Variants in KAT6B observed in about 807,000 individuals in gnomAD.
The protein encoded by KAT6B is lysine acetyltransferase 6B, also known as histone acetyltransferase KAT6B.
A neutral mutation model predicts 187.5 loss-of-function variants in KAT6B; 10 were observed. The ratio of observed to expected loss-of-function variants is 0.05; its 90% CI spans 0.03 to 0.09. The LOEUF (loss-of-function observed/expected upper bound fraction) is 0.09, where lower values mean the gene tolerates loss of function less well. Ranked by LOEUF, KAT6B falls within the 10% of genes least tolerant of loss-of-function variation. The pLI, the probability that KAT6B is intolerant of heterozygous loss-of-function variation, is 1.00. For synonymous variants in KAT6B, 861 were observed against 926.8 expected (o/e 0.93, Z 1.29); for missense variants, 1,952 against 2,558.9 (o/e 0.76, Z 5.12).
In KAT6B at chr10:74,981,799, T is replaced by G; in HGVS notation, c.2244T>G (p.Leu748=). 6.5e-7 allele frequency: 1 copy of G among 1,537,006 alleles called. No homozygotes were observed. The highest frequency in any genetic ancestry group is 9.0e-7 in the Non-Finnish European group (1 of 1,110,716). ...TAAACTTTAACAGATTACCAAAGCT[T>G]TACCTGTGTGAATTCTGTCTTAAAT... ...YPQEYARLPK[L]YLCEFCLKYM... Residue 748 remains leucine (L), a synonymous_variant, in exon 11 of 18, where the codon CTT becomes CTG. Coordinates refer to ENST00000287239, the MANE Select transcript of KAT6B (RefSeq NM_012330.4).
intron 3 of KAT6B, among the ~76,000 whole-genome samples, chr10:74,899,540 G>A (rs900788336): frequency 1.3e-5 from 2 of 152,152 alleles, no homozygotes; most frequent in African/African-American, 2.4e-5. Flanking sequence ...CTGTCAAAGT[G>A]CTGGGATTAC....
At chr10:74,972,388 TGGAGTAAAG>T in intron 6 of KAT6B, 110 bp from the exon 7 acceptor site, 1 of 717,938 alleles carries the variant, frequency 1.4e-6, no homozygotes, top group Admixed American at 2.9e-5. Context: ...ACGCATTTTT[TGGAGTAAAG>T]TTCAGCATAC....
chr10:74,970,077 C>A lies in KAT6B; in HGVS notation c.904C>A (p.Pro302Thr). Residue 302 changes from proline (P) to threonine (T), a missense_variant, in exon 6 of 18, where the codon CCA becomes ACA. By Grantham distance (38) the Pro-to-Thr change is conservative (BLOSUM62 -1). Around this residue, in one of 9 missense-constraint regions of KAT6B, gnomAD observed 417 missense variants for 508.9 expected, o/e 0.82. Transcript: ENST00000287239. ...DRGFHMECCD[P>T]PLSRMPKGMW... The stretch of plus-strand genomic sequence containing the variant: ...AGGATTTCATATGGAATGCTGTGAC[C>A]CACCACTTTCCAGAATGCCAAAAGG... 6.2e-7 allele frequency: 1 copy of A among 1,611,208 alleles called. No homozygotes were observed.
intron 13 of KAT6B, among the ~76,000 whole-genome samples, chr10:74,992,303 T>C (rs1013503868): frequency 4.6e-5 from 7 of 152,322 alleles, no homozygotes; most frequent in African/African-American, 1.4e-4. Flanking sequence ...TGTGTGTATA[T>C]ACATGCTCCT....
Position 75,021,951 on chromosome 10 carries a change from A to G in KAT6B, c.3092A>G (p.Asn1031Ser), listed in dbSNP as rs1564625884. ...EEQEILSTRA[N>S]SRQSPAKVQS... is the part of the protein sequence containing the mutation. ...CAAGAAATCCTGTCAACTAGAGCTA[A>G]CAGTAGGCAATCACCTGCAAAAGTA... Residue 1031 changes from asparagine (N) to serine (S), a missense_variant, in exon 16 of 18, where the codon AAC (asparagine) becomes AGC (serine). By Grantham distance (46) the Asn-to-Ser change is conservative. Around this residue, in one of 9 missense-constraint regions of KAT6B, gnomAD observed 758 missense variants for 891.4 expected, o/e 0.85. Transcript: ENST00000287239. 2.5e-6 allele frequency: 4 copies of G among 1,614,208 alleles called. No homozygotes were observed. The highest frequency in any genetic ancestry group is 1.7e-6 in the Non-Finnish European group (2 of 1,180,026).
intron 3 of KAT6B, among the ~76,000 whole-genome samples, chr10:74,885,322 A>T (rs1433281180): frequency 6.6e-6 from 1 of 152,094 alleles, no homozygotes; most frequent in Non-Finnish European, 1.5e-5. Flanking sequence ...CAAAGGAGAA[A>T]ATGTAAATTT....
chr10:74,929,840 C>G (rs1848745969), intron 3 of KAT6B, among the ~76,000 whole-genome samples: 1 of 151,674 alleles, frequency 6.6e-6, no homozygotes, highest in Non-Finnish European at 1.5e-5. Flanking sequence ...TTATTTAGGT[C>G]TTAAAATCAG....
In KAT6B at chr10:74,843,247, G is replaced by C. The variant is rs771449717; in HGVS notation, c.390G>C (p.Glu130Asp). 1.2e-6 allele frequency: 2 copies of C among 1,614,204 alleles called. No individual in the cohort carries two copies. The highest frequency in any genetic ancestry group is 1.7e-6 in the Non-Finnish European group (2 of 1,180,038). Residue 130 changes from glutamate (E) to aspartate (D), a missense_variant, in exon 3 of 18, where the codon GAG (glutamate) becomes GAC (aspartate). Around this residue, in one of 9 missense-constraint regions of KAT6B, gnomAD observed 218 missense variants for 282.6 expected, o/e 0.77. Coordinates refer to ENST00000287239, the MANE Select transcript of KAT6B (RefSeq NM_012330.4). ...EPNGSSLKNI[E>D]KYLRSQSDLT... ...ATGGCTCCTCCCTGAAGAACATAGA[G>C]AAGTATCTCAGAAGTCAAAGTGATC...
intron 3 of KAT6B, among the ~76,000 whole-genome samples, chr10:74,850,914 C>T (rs544380617): frequency 6.6e-6 from 1 of 152,190 alleles, no homozygotes; most frequent in African/African-American, 2.4e-5. Flanking sequence ...GGTCTGTTTC[C>T]AGTGTAGTAC....
chr10:74,861,063 GGA>G (rs1475252874), intron 3 of KAT6B, among the ~76,000 whole-genome samples: 1 of 152,184 alleles, frequency 6.6e-6, no homozygotes, highest in African/African-American at 2.4e-5. Context: ...CTTGAACCCG[GGA>G]GGTGGAGGTT....
intron 1 of KAT6B, among the ~76,000 whole-genome samples, chr10:74,830,889 G>A (rs1346549408): frequency 2.1e-5 from 3 of 141,902 alleles, no homozygotes; most frequent in Non-Finnish European, 4.5e-5. Context: ...CTGGGTTCAA[G>A]CGATTCTCCT....
At chr10:75,021,418 T>A in intron 15 of KAT6B, 133 bp downstream of exon 15, 1 of 793,918 alleles carries the variant, frequency 1.3e-6, no homozygotes. Context: ...TGGCACTAAT[T>A]TATCCTAACT....
At chr10:74,869,321 TCTCA>T (rs894028384) in intron 3 of KAT6B, among the ~76,000 whole-genome samples, 2 of 152,090 alleles carry the variant, frequency 1.3e-5, no homozygotes, top group African/African-American at 4.8e-5. Context: ...TGAGATGGAG[TCTCA>T]CTCTGTTGCC....
chr10:75,021,427 C>T (rs1564625566), intron 15 of KAT6B, 142 bp downstream of exon 15: 6 of 755,662 alleles, frequency 7.9e-6, no homozygotes, highest in Non-Finnish European at 1.3e-5. Flanking sequence ...TTTATCCTAA[C>T]TGAGGTTGCA....
intron 3 of KAT6B, among the ~76,000 whole-genome samples, chr10:74,912,666 G>A (rs1289133605): frequency 1.3e-5 from 2 of 152,206 alleles, no homozygotes; most frequent in South Asian, 2.1e-4. Flanking sequence ...AATATGAGCA[G>A]CCATATTCAG....
At chr10:74,964,765 T>A (rs1261023136) in intron 4 of KAT6B, among the ~76,000 whole-genome samples, 1 of 152,230 alleles carries the variant, frequency 6.6e-6, no homozygotes, top group Non-Finnish European at 1.5e-5. Flanking sequence ...ATTTCCTATA[T>A]TCAGCAAGTG....
At chr10:74,869,782 G>A (rs1843787577) in intron 3 of KAT6B, among the ~76,000 whole-genome samples, 1 of 152,182 alleles carries the variant, frequency 6.6e-6, no homozygotes, top group African/African-American at 2.4e-5. Context: ...CATGAAGACA[G>A]GGACCTTATT....
intron 1 of KAT6B, among the ~76,000 whole-genome samples, chr10:74,828,883 C>T (rs970864546): frequency 1.3e-5 from 2 of 151,852 alleles, no homozygotes; most frequent in Admixed American, 6.6e-5. Flanking sequence ...AAGTTCTTTA[C>T]ACATTTATCA....
intron 3 of KAT6B, among the ~76,000 whole-genome samples, chr10:74,876,406 G>A (rs1844420229): frequency 6.6e-6 from 1 of 151,946 alleles, no homozygotes; most frequent in South Asian, 2.1e-4. Flanking sequence ...TTTGGTTGTT[G>A]CTTTTTGTAG....
Sources: gnomAD v4.1 joint callset for allele counts (sites outside exome capture counted in the v4.1 genomes callset) on GRCh38, gnomAD v4.1.1 for gene constraint, gnomAD v4.1.1 regional missense constraint, MANE v1.5 for transcripts, NCBI Gene and HGNC (gene_info 2026-07-23, HGNC 2026-07-21) for gene names.